CASZ1: variants seen among roughly 807,000 people sequenced by gnomAD.
The protein encoded by CASZ1 is castor zinc finger 1.
CASZ1 carries 28 observed loss-of-function variants against 135.2 expected under a neutral mutation model. The ratio of observed to expected loss-of-function variants is 0.21; its 90% CI spans 0.15 to 0.28. The LOEUF (loss-of-function observed/expected upper bound fraction) is 0.28, where lower values mean the gene tolerates loss of function less well. Among genes scored for constraint, CASZ1 ranks in the 10% least tolerant of loss-of-function variants. The pLI is 1.00. For missense variants in CASZ1, 2,161 were observed against 2,453.3 expected, an observed-to-expected ratio of 0.88 and a Z score of 2.52; for synonymous variants, 1,068 against 1,073.4, an observed-to-expected ratio of 0.99 and a Z score of 0.10.
intron 1 of CASZ1, among the ~76,000 whole-genome samples, chr1:10,792,939 A>C (rs1640991197): frequency 6.6e-6 from 1 of 152,178 alleles, no homozygotes; most frequent in Non-Finnish European, 1.5e-5. Flanking sequence ...TAATTTTCCT[A>C]AAACAGATGG....
At chr1:10,683,782 G>A (rs1225596305) in intron 4 of CASZ1, among the ~76,000 whole-genome samples, 1 of 152,218 alleles carries the variant, frequency 6.6e-6, no homozygotes, top group Non-Finnish European at 1.5e-5. Context: ...AGAAAAGGAG[G>A]CTTTCCCCCA....
intron 4 of CASZ1, among the ~76,000 whole-genome samples, chr1:10,669,122 G>A (rs1315373534): frequency 2.0e-5 from 3 of 152,226 alleles, no homozygotes; most frequent in Admixed American, 6.5e-5. Flanking sequence ...CCACCTTTCC[G>A]GGCACTAAGG....
At chr1:10,753,139 A>G (rs1352345398) in intron 2 of CASZ1, among the ~76,000 whole-genome samples, 1 of 152,196 alleles carries the variant, frequency 6.6e-6, no homozygotes, top group African/African-American at 2.4e-5. Context: ...AGTCCGTGCT[A>G]TTTGTGTGAA....
rs948107591 is a variant in CASZ1, at chr1:10,644,824, G to A, written c.3868+93C>T. 6.7e-6 allele frequency: 9 copies of A among 1,334,434 alleles called. No individual in the cohort carries two copies. The East Asian group carries it at 2.1e-4, about 31-fold the overall frequency. The allele number at this position is 1,334,434 out of a possible 1,614,324, so 82.7% of individuals were successfully genotyped here. ...AACGTGGAGCCTGCGGTGGGGAACAGGACGCGGGTACCAGGAGAGGCGGCC... is the reference window on the plus strand; with the variant it reads ...AACGTGGAGCCTGCGGTGGGGAACAAGACGCGGGTACCAGGAGAGGCGGCC... On this transcript the variant is annotated intron_variant, in intron 18 of 20. Transcript: ENST00000377022.
intron 18 of CASZ1, among the ~76,000 whole-genome samples, chr1:10,644,538 T>A (rs912056421): frequency 1.3e-5 from 2 of 152,306 alleles, no homozygotes; most frequent in East Asian, 1.9e-4. Flanking sequence ...AACCTCATCA[T>A]GAAAGCCATG....
At chr1:10,675,914 C>T (rs1292137053) in intron 4 of CASZ1, among the ~76,000 whole-genome samples, 1 of 151,898 alleles carries the variant, frequency 6.6e-6, no homozygotes, top group Non-Finnish European at 1.5e-5. Context: ...CCGGTCCGGG[C>T]CAGAGCTGCC....
chr1:10,699,793 G>A lies in CASZ1; in HGVS notation c.-24+5699C>T, dbSNP rs1639018875. 6.6e-6 allele frequency among the ~76,000 whole-genome samples: 1 copy of A among 152,080 alleles called. No individual in the cohort carries two copies. The highest frequency in any genetic ancestry group is 1.5e-5 in the Non-Finnish European group (1 of 68,030). On this transcript the variant is annotated intron_variant, in intron 3 of 20. Transcript: ENST00000377022. This position sits in a 1 kb window ranked among gnomAD's most constrained non-coding sequence, Gnocchi z 4.6. Reference sequence around the variant, plus strand: ...CCTTCCCCTTTGTCTCACCCTTGTAGGTTTCTCTTATCAGAAGCAGCGACG... The same window carrying A: ...CCTTCCCCTTTGTCTCACCCTTGTAAGTTTCTCTTATCAGAAGCAGCGACG...
intron 3 of CASZ1, among the ~76,000 whole-genome samples, chr1:10,698,762 C>T (rs1638998464): frequency 6.6e-6 from 1 of 152,226 alleles, no homozygotes; most frequent in Non-Finnish European, 1.5e-5. Flanking sequence ...CAGCGAGCTC[C>T]TCCAAACTGG....
At chr1:10,785,498 A>T (rs1338723197) in intron 1 of CASZ1, among the ~76,000 whole-genome samples, 1 of 152,198 alleles carries the variant, frequency 6.6e-6, no homozygotes, top group Non-Finnish European at 1.5e-5. Context: ...CATCTTCCAT[A>T]AGTGCCCCTC....
chr1:10,713,547 A>G (rs1282137461), intron 2 of CASZ1, among the ~76,000 whole-genome samples: 1 of 152,162 alleles, frequency 6.6e-6, no homozygotes, highest in Non-Finnish European at 1.5e-5. Context: ...CCCTCACTAT[A>G]GTCCTCTAAC....
At position 10,767,685 on chromosome 1, in the gene CASZ1, C is replaced by G. The variant is rs1640501572; in HGVS notation, c.-233-6828G>C. ...AAATTTAATGTTCTCTATAATTCAT[C>G]CATCGCAGAAGATAATCGATAGAGC... is the stretch of plus-strand genomic sequence containing the variant. On this transcript the variant is annotated intron_variant, in intron 1 of 20. Transcript: ENST00000377022. The surrounding 1 kb of genome is among the most constrained non-coding windows in gnomAD (Gnocchi z 4.2). 6.6e-6 allele frequency among the ~76,000 whole-genome samples: 1 copy of G among 152,202 alleles called. No individual in the cohort carries two copies.
chr1:10,665,265 C>A lies in CASZ1; in HGVS notation c.323G>T (p.Arg108Leu), dbSNP rs775688651. ...EEPAPTPVLG[R>L]IAREGLELPP... ...CAGCTCCAGGCCCTCGCGGGCAATC[C>A]GCCCCAACACGGGTGTGGGTGCCGG... The change falls in exon 5 of 21, where the codon CGG (arginine) becomes CTG (leucine). Residue 108 changes from arginine to leucine, a missense_variant. By Grantham distance (102) the Arg-to-Leu change is moderately radical (BLOSUM62 -2). Transcript: ENST00000377022. 5 of 1,609,488 alleles carry A rather than the reference C, an allele frequency of 3.1e-6. No homozygotes were observed. The highest frequency in any genetic ancestry group is 2.7e-5 in the African/African-American group (2 of 75,004).
At chr1:10,773,731 C>T (rs567793504) in intron 1 of CASZ1, among the ~76,000 whole-genome samples, 1 of 152,246 alleles carries the variant, frequency 6.6e-6, no homozygotes, top group South Asian at 2.1e-4. Context: ...TGTGGTCAGA[C>T]CAGACAGCAG....
In CASZ1 at chr1:10,735,298, T is replaced by G. The variant is rs1328544956; in HGVS notation, c.-77+25403A>C. Among the ~76,000 whole-genome samples the G allele has an allele frequency of 6.6e-6, 1 of 152,192 alleles. No homozygotes were observed. Among genetic ancestry groups the G allele is most frequent in the East Asian group, 1.9e-4 (1 of 5,186 alleles). On this transcript the variant is annotated intron_variant, in intron 2 of 20. Coordinates refer to ENST00000377022, the MANE Select transcript of CASZ1 (RefSeq NM_001079843.3). This position sits in a 1 kb window ranked among gnomAD's most constrained non-coding sequence, Gnocchi z 5.1. ...TTCTGCATAAATTATAGGGGTTGAT[T>G]AGACCGGGGCTCTGGGAGAGGGAAA...
rs1184543145 is a variant in CASZ1, at chr1:10,650,933, C to T, written c.2816+8G>A. On this transcript the variant is annotated splice_region_variant and intron_variant, in intron 12 of 20. Coordinates refer to ENST00000377022, the MANE Select transcript of CASZ1 (RefSeq NM_001079843.3). ...CGGGGCTGGCTCCCATAGGGGGCCT[C>T]GCCTCACCTGGGCTCCTTCACAGTC... 4.4e-6 allele frequency: 7 copies of T among 1,605,842 alleles called. No homozygotes were observed. Among genetic ancestry groups the T allele is most frequent in the South Asian group, 2.2e-5 (2 of 90,074 alleles).
intron 2 of CASZ1, among the ~76,000 whole-genome samples, chr1:10,743,857 G>A (rs1639983672): frequency 1.3e-5 from 2 of 150,194 alleles, no homozygotes; most frequent in African/African-American, 4.9e-5. Context: ...GGAAAGGGAG[G>A]GAGGGAGGGA....
intron 2 of CASZ1, among the ~76,000 whole-genome samples, chr1:10,742,711 T>C (rs117965476): frequency 0.014 from 2,080 of 152,200 alleles, 64 homozygotes; most frequent in East Asian, 0.13. Context: ...TGGCCGGGTG[T>C]GGTGGCTCAT....
chr1:10,651,072 G>C lies in CASZ1; in HGVS notation c.2685C>G (p.Ser895Arg), dbSNP rs780975606. Residue 895 changes from serine to arginine, a missense_variant, in exon 12 of 21, where the codon AGC (serine) becomes AGG (arginine). Transcript: ENST00000377022. The part of the protein sequence containing the change: ...LKPSATFDPG[S>R]GQQVTPARFP... ...ACCTGGCTGGGGTGACCTGCTGCCC[G>C]CTTCCTGCAGGGGAGGGGTGGGAAG... The C allele has an allele frequency of 4.0e-6, 6 of 1,517,146 alleles. No homozygotes were observed. The highest frequency in any genetic ancestry group is 5.3e-6 in the Non-Finnish European group (6 of 1,141,500). 94.0% of individuals were successfully genotyped at this position (1,517,146 alleles called of 1,614,324 possible). A position where few individuals can be genotyped will look rare whatever the true frequency, so the allele number is the denominator to read the frequency against.
At chr1:10,780,262 C>T (rs79621985) in intron 1 of CASZ1, among the ~76,000 whole-genome samples, 1 of 152,188 alleles carries the variant, frequency 6.6e-6, no homozygotes, top group East Asian at 1.9e-4. Context: ...CAAATATTCC[C>T]ATTTGTCAAA....
Sources: allele counts gnomAD v4.1 joint callset (sites outside exome capture counted in the v4.1 genomes callset), GRCh38; gene constraint gnomAD v4.1.1; non-coding constraint Gnocchi (gnomAD v3.1); transcripts MANE v1.5; gene names NCBI Gene and HGNC (gene_info 2026-07-23, HGNC 2026-07-21).